Variants in AIG1 observed in about 807,000 individuals in gnomAD.
AIG1 encodes the protein androgen-induced gene 1 protein.
A neutral mutation model predicts 31.4 loss-of-function variants in AIG1; 23 were observed. That is an observed-to-expected ratio of 0.73 (90% CI 0.53 to 1.04). The LOEUF (loss-of-function observed/expected upper bound fraction) is 1.04, where lower values mean the gene tolerates loss of function less well. Ranked by LOEUF, AIG1 falls within the 50% of genes least tolerant of loss-of-function variation. The pLI is 0.00. For missense variants in AIG1, 274 were observed against 295.0 expected (o/e 0.93, Z 0.52); for synonymous variants, 100 against 110.5 (o/e 0.90, Z 0.60).
intron 3 of AIG1, among the ~76,000 whole-genome samples, chr6:143,192,215 T>G (rs773765776): frequency 1.3e-5 from 2 of 152,212 alleles, no homozygotes; most frequent in Non-Finnish European, 2.9e-5. Context: ...AGCCATTCTC[T>G]CGGGAGGGCC....
intron 3 of AIG1, among the ~76,000 whole-genome samples, chr6:143,250,674 G>A (rs1213651315): frequency 6.6e-6 from 1 of 152,062 alleles, no homozygotes; most frequent in Non-Finnish European, 1.5e-5. Context: ...AGAGATTGGA[G>A]TGACGCCGCT....
chr6:143,337,110 G>C (rs1423727570), intron 5 of AIG1, among the ~76,000 whole-genome samples: 2 of 152,182 alleles, frequency 1.3e-5, no homozygotes, highest in East Asian at 3.9e-4. Flanking sequence ...CCACAGCCCT[G>C]GGCAATAGTT....
chr6:143,089,232 G>A (rs1374663557), intron 1 of AIG1, among the ~76,000 whole-genome samples: 1 of 150,820 alleles, frequency 6.6e-6, no homozygotes, highest in African/African-American at 2.5e-5. Context: ...AAAAAAGACT[G>A]CTTAGCAAAA....
chr6:143,080,533 T>G (rs947829208), intron 1 of AIG1, among the ~76,000 whole-genome samples: 14 of 151,974 alleles, frequency 9.2e-5, no homozygotes, highest in Admixed American at 9.2e-4. Flanking sequence ...GGAAGCCACA[T>G]TCTCCATAGA....
rs529874783 is a variant in AIG1, at chr6:143,257,139, A to G, written c.400-26971A>G. Among the ~76,000 whole-genome samples the G allele has an allele frequency of 1.6e-3, 248 of 152,330 alleles. 2 individuals are homozygous for G. The highest frequency in any genetic ancestry group is 2.8e-3 in the Non-Finnish European group (189 of 68,030). On this transcript the variant is annotated intron_variant, in intron 3 of 5. Coordinates refer to ENST00000357847, the MANE Select transcript of AIG1 (RefSeq NM_016108.4). ...TCATTTTTGCTGAAGTCACTGTGTC[A>G]ATTGCAAAGGCAGCTGGCGCTCCCA... is the stretch of plus-strand genomic sequence containing the variant.
chr6:143,286,986 T>C (rs1797726100), intron 4 of AIG1, among the ~76,000 whole-genome samples: 2 of 151,846 alleles, frequency 1.3e-5, no homozygotes, highest in South Asian at 4.2e-4. Flanking sequence ...CTCCCCAAGC[T>C]TAGCATCTAA....
intron 4 of AIG1, among the ~76,000 whole-genome samples, chr6:143,318,794 AT>A (rs1775966149): frequency 6.6e-6 from 1 of 152,014 alleles, no homozygotes; most frequent in African/African-American, 2.4e-5. Flanking sequence ...AAAAAAAAAA[AT>A]CCCATTAAAA....
intron 3 of AIG1, among the ~76,000 whole-genome samples, chr6:143,172,193 G>A (rs1323111453): frequency 6.6e-6 from 1 of 152,064 alleles, no homozygotes; most frequent in Non-Finnish European, 1.5e-5. Context: ...GTTTGATTAA[G>A]TCCCATCTAT....
intron 3 of AIG1, among the ~76,000 whole-genome samples, chr6:143,191,588 T>A (rs1378421976): frequency 6.6e-6 from 1 of 152,164 alleles, no homozygotes; most frequent in Non-Finnish European, 1.5e-5. Context: ...TAACACTTTT[T>A]TGGAGTTTCT....
chr6:143,132,215 C>T (rs1161749216), intron 1 of AIG1, among the ~76,000 whole-genome samples: 1 of 152,116 alleles, frequency 6.6e-6, no homozygotes, highest in South Asian at 2.1e-4. Flanking sequence ...ATATTATCCA[C>T]ATCTATTTTT....
chr6:143,107,750 G>A (rs1583199241), intron 1 of AIG1, among the ~76,000 whole-genome samples: 1 of 152,170 alleles, frequency 6.6e-6, no homozygotes, highest in Admixed American at 6.5e-5. Flanking sequence ...CTGGGCCCTC[G>A]AGTTATAAGT....
rs1562555907 is a variant in AIG1, at chr6:143,284,175, G to C, written c.465G>C (p.Arg155Ser). 1 of 1,613,940 alleles carries C rather than the reference G, an allele frequency of 6.2e-7. No homozygotes were observed. The highest frequency in any genetic ancestry group is 8.5e-7 in the Non-Finnish European group (1 of 1,179,982). ...MRTSHHQYPSRSSGLTAICTF... is the reference protein window; with the variant it reads ...MRTSHHQYPSSSSGLTAICTF... ...CATCGCACCATCAGTATCCCAGCAG[G>C]AGCAGCGGACTTACCGCCATATGTA... The change falls in exon 4 of 6, where the codon AGG becomes AGC. Residue 155 changes from arginine (R) to serine (S), a missense_variant. Around this residue, in one of 2 missense-constraint regions of AIG1, gnomAD observed 243 missense variants for 238.5 expected, o/e 1.02. Transcript: ENST00000357847. The surrounding 1 kb of genome is among the most constrained non-coding windows in gnomAD (Gnocchi z 4.4).
intron 1 of AIG1, among the ~76,000 whole-genome samples, chr6:143,102,596 C>T (rs2128484472): frequency 6.8e-6 from 1 of 147,712 alleles, no homozygotes; most frequent in East Asian, 2.0e-4. Flanking sequence ...TATATAGGGT[C>T]ATAGAACATA....
At chr6:143,222,145 C>T (rs1277983757) in intron 3 of AIG1, among the ~76,000 whole-genome samples, 1 of 152,088 alleles carries the variant, frequency 6.6e-6, no homozygotes, top group Admixed American at 6.5e-5. Flanking sequence ...GTGAATTTCA[C>T]CATAATGAGG....
chr6:143,167,228 C>T (rs1787054297), intron 3 of AIG1, among the ~76,000 whole-genome samples: 1 of 152,164 alleles, frequency 6.6e-6, no homozygotes, highest in South Asian at 2.1e-4. Context: ...TGTGCTCAAT[C>T]AGGAGCAGGC....
At chr6:143,140,199 G>A (rs545373172) in intron 2 of AIG1, among the ~76,000 whole-genome samples, 1 of 152,162 alleles carries the variant, frequency 6.6e-6, no homozygotes, top group East Asian at 1.9e-4. Flanking sequence ...AACAGCATGG[G>A]AAAAACTCGC....
At chr6:143,233,679 C>T (rs1793616552) in intron 3 of AIG1, among the ~76,000 whole-genome samples, 1 of 151,912 alleles carries the variant, frequency 6.6e-6, no homozygotes, top group Admixed American at 6.6e-5. Flanking sequence ...CTTTAGCATT[C>T]ATCTTATTTG....
chr6:143,088,079 C>T (rs183510318), intron 1 of AIG1, among the ~76,000 whole-genome samples: 16 of 152,252 alleles, frequency 1.1e-4, no homozygotes, highest in African/African-American at 2.9e-4. Flanking sequence ...AGGATAGAAT[C>T]GGCATGGCTG....
chr6:143,254,439 C>T (rs894481551), intron 3 of AIG1, among the ~76,000 whole-genome samples: 1 of 152,104 alleles, frequency 6.6e-6, no homozygotes, highest in Non-Finnish European at 1.5e-5. Context: ...CAGTTAGATC[C>T]CACCGCGAGG....
Sources: gnomAD v4.1 joint callset for allele counts (sites outside exome capture counted in the v4.1 genomes callset) on GRCh38, gnomAD v4.1.1 for gene constraint, gnomAD v4.1.1 regional missense constraint, Gnocchi (gnomAD v3.1) non-coding constraint, MANE v1.5 for transcripts, NCBI Gene and HGNC (gene_info 2026-07-23, HGNC 2026-07-21) for gene names.